The following CERS6 variants were observed in gnomAD, a reference collection of about 807,000 sequenced individuals.
The protein encoded by CERS6 is LAG1 homolog, ceramide synthase 6.
In CERS6, 26 loss-of-function variants were observed where a neutral mutation model predicts 56.8. That is an observed-to-expected ratio of 0.46 (90% CI 0.34 to 0.63). The LOEUF is 0.63. Ranked by LOEUF, CERS6 falls within the 30% of genes least tolerant of loss-of-function variation. The pLI is 0.01. For synonymous variants in CERS6, 164 were observed against 173.3 expected, an observed-to-expected ratio of 0.95 and a Z score of 0.42; for missense variants, 415 against 467.5, an observed-to-expected ratio of 0.89 and a Z score of 1.04.
chr2:168,480,091 C>T (rs894201349), intron 1 of CERS6, among the ~76,000 whole-genome samples: 3 of 152,186 alleles, frequency 2.0e-5, no homozygotes, highest in Non-Finnish European at 4.4e-5. Flanking sequence ...CAGTAAAGTG[C>T]TTAACTGGAT....
chr2:168,621,794 C>T (rs1370776706), intron 3 of CERS6, among the ~76,000 whole-genome samples: 1 of 152,090 alleles, frequency 6.6e-6, no homozygotes, highest in Non-Finnish European at 1.5e-5. Flanking sequence ...GGATTTAGAA[C>T]TATATATGCA....
chr2:168,648,427 T>A (rs949192368), intron 4 of CERS6, among the ~76,000 whole-genome samples: 2 of 152,142 alleles, frequency 1.3e-5, no homozygotes, highest in African/African-American at 2.4e-5. Flanking sequence ...TCTTTATGAA[T>A]CTAGCTAGTG....
In CERS6 at chr2:168,497,003, T is replaced by G. The variant is rs997680466; in HGVS notation, c.170+40385T>G. ...CTGTCTCTAAAAGTCTTCTATCCAT[T>G]CTGCCATTTCTAATCTAGCCTAGGC... is the stretch of plus-strand genomic sequence containing the variant. On this transcript the variant is annotated intron_variant, in intron 1 of 9. Coordinates refer to ENST00000305747, the MANE Select transcript of CERS6 (RefSeq NM_203463.3). 2.0e-5 allele frequency among the ~76,000 whole-genome samples: 3 copies of G among 152,264 alleles called. No homozygotes were observed. In the East Asian group the frequency reaches 5.8e-4, roughly 29 times the overall value.
chr2:168,468,290 T>G (rs148525460), intron 1 of CERS6, among the ~76,000 whole-genome samples: 102 of 152,316 alleles, frequency 6.7e-4, no homozygotes, highest in Middle Eastern at 6.8e-3. Flanking sequence ...TATCTCCACC[T>G]ACTTCCCCTG....
At chr2:168,603,124 G>T (rs1683973807) in intron 3 of CERS6, among the ~76,000 whole-genome samples, 1 of 152,184 alleles carries the variant, frequency 6.6e-6, no homozygotes, top group South Asian at 2.1e-4. Context: ...CCTTGGGTTT[G>T]CCCTTTAAAT....
chr2:168,501,106 C>T (rs535928805), intron 1 of CERS6, among the ~76,000 whole-genome samples: 1 of 152,192 alleles, frequency 6.6e-6, no homozygotes, highest in Non-Finnish European at 1.5e-5. Flanking sequence ...TCTGAATACA[C>T]GCCTGGCCAG....
chr2:168,613,426 G>C lies in CERS6; in HGVS notation c.408-17559G>C, dbSNP rs139270864. Among the ~76,000 whole-genome samples, 142 of 152,312 alleles carry C rather than the reference G, an allele frequency of 9.3e-4. 2 individuals carry two copies. Among genetic ancestry groups the C allele is most frequent in the African/African-American group, 3.2e-3 (131 of 41,568 alleles). On this transcript the variant is annotated intron_variant, in intron 3 of 9. Coordinates refer to ENST00000305747, the MANE Select transcript of CERS6 (RefSeq NM_203463.3). ...CAGACCAAGGGTGGTCTGTGCACAAGGCAAGAGAAGCAGAGGGTTGGGACA... is the reference window on the plus strand; with the variant it reads ...CAGACCAAGGGTGGTCTGTGCACAACGCAAGAGAAGCAGAGGGTTGGGACA...
intron 1 of CERS6, among the ~76,000 whole-genome samples, chr2:168,499,374 G>C (rs1369834628): frequency 6.6e-6 from 1 of 152,170 alleles, no homozygotes; most frequent in Non-Finnish European, 1.5e-5. Context: ...GCAATAATTA[G>C]TTATATAGAA....
At chr2:168,607,884 T>A (rs2105269867) in intron 3 of CERS6, among the ~76,000 whole-genome samples, 1 of 152,336 alleles carries the variant, frequency 6.6e-6, no homozygotes, top group South Asian at 2.1e-4. Context: ...GAATGGAACA[T>A]TACCTCAGTG....
In CERS6 at chr2:168,555,722, C is replaced by CTGTGTGTGTGTGTGTGTG. The variant is rs58781728; in HGVS notation, c.277-5444_277-5427dup. ...TTATTCTAGGAAAGTATAATTGACT[C>CTGTGTGTGTGTGTGTGTG]TGTGTGTGTGTGTGTGTGTGTGTGT... On this transcript the variant is annotated intron_variant, in intron 2 of 9. Coordinates refer to ENST00000305747, the MANE Select transcript of CERS6 (RefSeq NM_203463.3). Among the ~76,000 whole-genome samples, 236 of 140,998 alleles carry CTGTGTGTGTGTGTGTGTG rather than the reference C, an allele frequency of 1.7e-3. 2 individuals are homozygous for CTGTGTGTGTGTGTGTGTG. The highest frequency in any genetic ancestry group is 4.0e-3 in the African/African-American group (145 of 36,392). The allele number at this position is 140,998 out of a possible 152,430, so 92.5% of individuals were successfully genotyped here. A position where few individuals can be genotyped will look rare whatever the true frequency, so the allele number is the denominator to read the frequency against.
At chr2:168,474,746 A>G (rs569086671) in intron 1 of CERS6, among the ~76,000 whole-genome samples, 1 of 152,322 alleles carries the variant, frequency 6.6e-6, no homozygotes, top group South Asian at 2.1e-4. Context: ...CATTTATTTA[A>G]CAAACATATT....
At chr2:168,640,372 C>T (rs1369629608) in intron 4 of CERS6, among the ~76,000 whole-genome samples, 1 of 152,192 alleles carries the variant, frequency 6.6e-6, no homozygotes, top group Non-Finnish European at 1.5e-5. Context: ...AAAGGGTGTT[C>T]CATTCCTGGC....
Position 168,466,779 on chromosome 2 carries a change from A to G in CERS6, c.170+10161A>G, listed in dbSNP as rs538052588. 3.9e-5 allele frequency among the ~76,000 whole-genome samples: 6 copies of G among 152,226 alleles called. No individual in the cohort carries two copies. The South Asian group carries it at 1.0e-3, about 26-fold the overall frequency. ...TATTCCTACTTTTGCTTTTACTATTATAACTTAGAATTCGGTTGTGGGGCT... is the reference window on the plus strand; with the variant it reads ...TATTCCTACTTTTGCTTTTACTATTGTAACTTAGAATTCGGTTGTGGGGCT... On this transcript the variant is annotated intron_variant, in intron 1 of 9. Transcript: ENST00000305747.
chr2:168,669,976 G>C (rs1428497825), intron 4 of CERS6, among the ~76,000 whole-genome samples: 1 of 152,136 alleles, frequency 6.6e-6, no homozygotes, highest in African/African-American at 2.4e-5. Context: ...TCAGAATCCT[G>C]ATTATACTAT....
rs72879835 is a variant in CERS6 at position 168,676,881 on chromosome 2, C to G, written c.466-14153C>G. Among the ~76,000 whole-genome samples, 187 of 152,122 alleles carry G rather than the reference C, an allele frequency of 1.2e-3. 1 individual carries two copies. The highest frequency in any genetic ancestry group is 2.1e-3 in the Non-Finnish European group (143 of 67,994). ...TAGTCATCAGTGAAACTTTTTCCTT[C>G]TAATCGCGACTGTCTGCTGGTGAAG... On this transcript the variant is annotated intron_variant, in intron 4 of 9. Transcript: ENST00000305747.
chr2:168,675,170 C>T (rs1686024933), intron 4 of CERS6, among the ~76,000 whole-genome samples: 1 of 151,948 alleles, frequency 6.6e-6, no homozygotes, highest in African/African-American at 2.4e-5. Flanking sequence ...GACGGGGTTT[C>T]ACCAGGTTGG....
intron 3 of CERS6, among the ~76,000 whole-genome samples, chr2:168,598,041 C>T (rs571052909): frequency 2.0e-5 from 3 of 152,256 alleles, no homozygotes; most frequent in Non-Finnish European, 4.4e-5. Flanking sequence ...CTTTTCTGTC[C>T]TCCCCTTAAG....
At chr2:168,711,304 C>A (rs951043671) in intron 6 of CERS6, among the ~76,000 whole-genome samples, 1 of 152,154 alleles carries the variant, frequency 6.6e-6, no homozygotes, top group Non-Finnish European at 1.5e-5. Context: ...CATGTGTGGG[C>A]TCTCCCACAC....
intron 4 of CERS6, among the ~76,000 whole-genome samples, chr2:168,642,400 A>G (rs1165332346): frequency 6.6e-6 from 1 of 152,148 alleles, no homozygotes; most frequent in African/African-American, 2.4e-5. Flanking sequence ...GTTAGTTGGG[A>G]ATTTTCCAGT....
Sources: allele counts gnomAD v4.1 joint callset (sites outside exome capture counted in the v4.1 genomes callset), GRCh38; gene constraint gnomAD v4.1.1; transcripts MANE v1.5; gene names NCBI Gene and HGNC (gene_info 2026-07-23, HGNC 2026-07-21).